Variants in MCRIP1 observed in about 807,000 individuals in gnomAD.
MCRIP1 encodes the protein mapk-regulated corepressor-interacting protein 1.
In MCRIP1, 10 loss-of-function variants were observed where a neutral mutation model predicts 14.4. That is an observed-to-expected ratio of 0.70 (90% CI 0.43 to 1.18). The LOEUF (loss-of-function observed/expected upper bound fraction) is 1.18. Among genes scored for constraint, MCRIP1 ranks in the 50% most tolerant of loss-of-function variants. The probability of loss-of-function intolerance (pLI) is 0.00; values close to 1 mark genes in which losing one functional copy is unlikely to be tolerated. For synonymous variants in MCRIP1, 53 were observed against 55.7 expected, an observed-to-expected ratio of 0.95 and a Z score of 0.21; for missense variants, 119 against 135.4, an observed-to-expected ratio of 0.88 and a Z score of 0.60.
intron 1 of MCRIP1, among the ~76,000 whole-genome samples, chr17:81,830,723 T>C (rs1298708050): frequency 1.4e-5 from 2 of 148,034 alleles, no homozygotes; most frequent in East Asian, 2.0e-4. Flanking sequence ...CTGGGCAACA[T>C]AGAAAGAGCC....
intron 1 of MCRIP1, among the ~76,000 whole-genome samples, chr17:81,826,942 A>C (rs1406404603): frequency 6.6e-6 from 1 of 151,492 alleles, no homozygotes; most frequent in Non-Finnish European, 1.5e-5. Flanking sequence ...ATATGGTGAA[A>C]CCCTGTCTCT....
At chr17:81,829,468 G>A (rs545090870) in intron 1 of MCRIP1, among the ~76,000 whole-genome samples, 1 of 152,226 alleles carries the variant, frequency 6.6e-6, no homozygotes, top group Non-Finnish European at 1.5e-5. Flanking sequence ...TCCCGGCCAC[G>A]GCCCCGTACT....
chr17:81,825,515 G>T, intron 1 of MCRIP1: 2 of 1,245,314 alleles, frequency 1.6e-6, no homozygotes, highest in Non-Finnish European at 2.1e-6. Context: ...CAAGGCTGCA[G>T]ATACTCCAGG....
intron 1 of MCRIP1, chr17:81,825,438 A>G (rs1010788992): frequency 7.6e-6 from 9 of 1,191,608 alleles, no homozygotes; most frequent in Non-Finnish European, 1.1e-6. Context: ...GTTCTGGGGG[A>G]GGGGAGTCCC....
intron 1 of MCRIP1, among the ~76,000 whole-genome samples, chr17:81,830,187 G>C (rs2038488809): frequency 6.6e-6 from 1 of 152,214 alleles, no homozygotes; most frequent in Admixed American, 6.5e-5. Flanking sequence ...CATTCAAAGT[G>C]ATGCAGCCCA....
chr17:81,832,714 G>A (rs1035835275), intron 1 of MCRIP1, among the ~76,000 whole-genome samples: 2 of 152,272 alleles, frequency 1.3e-5, no homozygotes, highest in Non-Finnish European at 2.9e-5. Flanking sequence ...GTGCCTAGAA[G>A]GCAGGCGGAG....
intron 1 of MCRIP1, among the ~76,000 whole-genome samples, chr17:81,828,275 C>A (rs758161843): frequency 6.1e-5 from 9 of 147,086 alleles, no homozygotes; most frequent in Non-Finnish European, 1.2e-4. Flanking sequence ...CCCCACCCCC[C>A]GACCCTGCAC....
intron 1 of MCRIP1, among the ~76,000 whole-genome samples, chr17:81,828,066 T>C (rs1011043469): frequency 1.3e-5 from 2 of 152,018 alleles, no homozygotes; most frequent in Admixed American, 6.6e-5. Context: ...AGGTGTGAGC[T>C]ACCACACCCA....
intron 1 of MCRIP1, chr17:81,826,627 C>T: frequency 2.0e-6 from 1 of 508,470 alleles, no homozygotes; most frequent in South Asian, 2.6e-5. Context: ...TGAGAGCAGC[C>T]TGGCGAACAT....
chr17:81,823,072 GA>G lies in MCRIP1; in HGVS notation c.*174del. On this transcript the variant is annotated 3_prime_UTR_variant, in exon 5 of 5. Coordinates refer to ENST00000455127, the MANE Select transcript of MCRIP1 (RefSeq NM_207368.5). The surrounding 1 kb of genome is among the most constrained non-coding windows in gnomAD (Gnocchi z 6.0). ...GGGGCAGCCTGAGACCCCCAAGGATGAAGGAAGGGGGCTTGGGAAGGAGAGG... is the reference window on the plus strand; with the variant it reads ...GGGGCAGCCTGAGACCCCCAAGGATGAGGAAGGGGGCTTGGGAAGGAGAGG... The G allele has an allele frequency of 3.0e-6, 2 of 669,840 alleles. No individual in the cohort carries two copies. Among genetic ancestry groups the G allele is most frequent in the South Asian group, 1.8e-5 (1 of 56,568 alleles). 41.5% of individuals were successfully genotyped at this position (669,840 alleles called of 1,614,324 possible).
At chr17:81,824,776 GAC>G (rs773030311) in intron 1 of MCRIP1, 64 of 1,418,402 alleles carry the variant, frequency 4.5e-5, no homozygotes, top group Non-Finnish European at 5.8e-5. Flanking sequence ...AGACGAGCCA[GAC>G]ACACACACAA....
Position 81,824,318 on chromosome 17 carries a change from G to A in MCRIP1, c.96C>T (p.Ala32=), listed in dbSNP as rs1230242612. ...AAATGAAGCGGACGTTCTCCTCGTG[G>A]GCTGGGGTGAAGATCTCGCTGCTGC... ...PPSSSEIFTP[A]HEENVRFIYE... The change falls in exon 3 of 5, where the codon GCC becomes GCT. Residue 32 remains alanine (A), a synonymous_variant. Coordinates refer to ENST00000455127, the MANE Select transcript of MCRIP1 (RefSeq NM_207368.5). 6.5e-7 allele frequency: 1 copy of A among 1,536,534 alleles called. No individual in the cohort carries two copies. Among genetic ancestry groups the A allele is most frequent in the South Asian group, 1.2e-5 (1 of 84,056 alleles).
intron 1 of MCRIP1, among the ~76,000 whole-genome samples, chr17:81,831,487 G>A (rs906186218): frequency 6.6e-6 from 1 of 151,238 alleles, no homozygotes; most frequent in Non-Finnish European, 1.5e-5. Flanking sequence ...CTGGAATGTA[G>A]AGTCAGCCCA....
intron 1 of MCRIP1, among the ~76,000 whole-genome samples, chr17:81,828,774 G>A (rs1330034193): frequency 6.6e-6 from 1 of 152,230 alleles, no homozygotes; most frequent in Non-Finnish European, 1.5e-5. Flanking sequence ...CCGGGGCCAG[G>A]ACGGTGCCTG....
At chr17:81,831,681 G>A (rs559010812) in intron 1 of MCRIP1, among the ~76,000 whole-genome samples, 155 of 152,334 alleles carry the variant, frequency 1.0e-3, no homozygotes, top group Non-Finnish European at 2.1e-3. Flanking sequence ...CAGCGCTGAA[G>A]GAGCCTGCCA....
chr17:81,825,312 C>T, intron 1 of MCRIP1: 1 of 1,136,106 alleles, frequency 8.8e-7, no homozygotes, highest in Non-Finnish European at 1.1e-6. Context: ...GGCTCAGACG[C>T]TCACACTGGC....
chr17:81,824,213 G>A (rs374532906), intron 3 of MCRIP1, 74 bp downstream of exon 3: 139 of 1,239,788 alleles, frequency 1.1e-4, no homozygotes, highest in African/African-American at 7.3e-4. Context: ...TCCTCGGAGC[G>A]TGGGTCCTGG....
In MCRIP1 at chr17:81,823,993, G is replaced by C. The variant is rs553808367; in HGVS notation, c.127+294C>G. ...CCAGCAAACTCCTCCAGTGCTGCTAGCATGGATGACTGGCTCCCAGTGCGG... is the reference window on the plus strand; with the variant it reads ...CCAGCAAACTCCTCCAGTGCTGCTACCATGGATGACTGGCTCCCAGTGCGG... On this transcript the variant is annotated intron_variant, in intron 3 of 4. Transcript: ENST00000455127. The surrounding 1 kb of genome is among the most constrained non-coding windows in gnomAD (Gnocchi z 6.0). 8.7e-4 allele frequency among the ~76,000 whole-genome samples: 133 copies of C among 152,302 alleles called. 1 individual carries two copies. The highest frequency in any genetic ancestry group is 1.6e-3 in the Non-Finnish European group (111 of 68,028).
At chr17:81,826,592 G>A (rs1304076019) in intron 1 of MCRIP1, 33 of 562,614 alleles carry the variant, frequency 5.9e-5, no homozygotes, top group Middle Eastern at 9.3e-4. Context: ...GGCAGAGGCG[G>A]GTGGATCAGC....
Sources: gnomAD v4.1 joint callset for allele counts (sites outside exome capture counted in the v4.1 genomes callset) on GRCh38, gnomAD v4.1.1 for gene constraint, Gnocchi (gnomAD v3.1) non-coding constraint, MANE v1.5 for transcripts, NCBI Gene and HGNC (gene_info 2026-07-23, HGNC 2026-07-21) for gene names.